TIMP2: variants seen among roughly 807,000 people sequenced by gnomAD.
TIMP2 encodes the protein metalloproteinase inhibitor 2.
TIMP2 carries 5 observed loss-of-function variants against 24.3 expected under a neutral mutation model. The ratio of observed to expected loss-of-function variants is 0.21; its 90% CI spans 0.11 to 0.43. TIMP2 has a LOEUF of 0.43. Ranked by LOEUF, TIMP2 falls within the 20% of genes least tolerant of loss-of-function variation. The pLI is 1.00. For synonymous variants in TIMP2, 130 were observed against 123.2 expected (o/e 1.06, Z -0.37); for missense variants, 221 against 297.5 (o/e 0.74, Z 1.89).
In TIMP2 at chr17:78,924,899, A is replaced by G; in HGVS notation, c.130+60T>C. 1 of 991,966 alleles carries G rather than the reference A, an allele frequency of 1.0e-6. No individual in the cohort carries two copies. Among genetic ancestry groups the G allele is most frequent in the South Asian group, 4.5e-5 (1 of 22,404 alleles). The allele number at this position is 991,966 out of a possible 1,614,324, so 61.4% of individuals were successfully genotyped here. A position where few individuals can be genotyped will look rare whatever the true frequency, so the allele number is the denominator to read the frequency against. On this transcript the variant is annotated intron_variant, in intron 1 of 4. Coordinates refer to ENST00000262768, the MANE Select transcript of TIMP2 (RefSeq NM_003255.5). The surrounding 1 kb of genome is among the most constrained non-coding windows in gnomAD (Gnocchi z 5.3). ...CGGCGGGCGGGCGGGGCGTCTGCGA[A>G]CCCTCGGGGTCGCGGGGGAGGTGGG...
intron 1 of TIMP2, among the ~76,000 whole-genome samples, chr17:78,910,880 T>C (rs1273846279): frequency 1.3e-5 from 2 of 152,182 alleles, no homozygotes; most frequent in African/African-American, 4.8e-5. Flanking sequence ...GACACTGAGG[T>C]TGATTCCATA....
intron 1 of TIMP2, among the ~76,000 whole-genome samples, chr17:78,875,977 AG>A (rs2145757020): frequency 6.6e-6 from 1 of 152,290 alleles, no homozygotes; most frequent in Admixed American, 6.5e-5. Flanking sequence ...CCAAGGCCAC[AG>A]GTTCCTGTTT....
intron 1 of TIMP2, among the ~76,000 whole-genome samples, chr17:78,878,651 G>C (rs1004426880): frequency 4.6e-5 from 7 of 152,170 alleles, no homozygotes; most frequent in Admixed American, 1.3e-4. Flanking sequence ...CAAATCAAGG[G>C]TCCAGGGTAG....
Position 78,916,240 on chromosome 17 carries a change from G to A in TIMP2, c.130+8719C>T, listed in dbSNP as rs139601530. ...AGAGAGAGGCCACCTGTCCCGGATC[G>A]CTCTGCTGGACTCAATCTGGGGCCA... On this transcript the variant is annotated intron_variant, in intron 1 of 4. Transcript: ENST00000262768. Among the ~76,000 whole-genome samples, 359 of 152,200 alleles carry A rather than the reference G, an allele frequency of 2.4e-3. 1 individual carries two copies. The highest frequency in any genetic ancestry group is 0.01 in the Middle Eastern group (3 of 294).
chr17:78,907,564 A>G (rs1228720308), intron 1 of TIMP2, among the ~76,000 whole-genome samples: 2 of 152,210 alleles, frequency 1.3e-5, no homozygotes, highest in Non-Finnish European at 2.9e-5. Context: ...ACAGATCACC[A>G]TAACAGGTAT....
At chr17:78,893,441 G>A (rs1416755517) in intron 1 of TIMP2, among the ~76,000 whole-genome samples, 2 of 148,278 alleles carry the variant, frequency 1.3e-5, no homozygotes, top group African/African-American at 5.0e-5. Context: ...GGGTGTGTGC[G>A]TGGGGCTGTG....
intron 1 of TIMP2, among the ~76,000 whole-genome samples, chr17:78,902,505 C>A (rs969814313): frequency 6.6e-6 from 1 of 152,198 alleles, no homozygotes; most frequent in African/African-American, 2.4e-5. Context: ...GCTTTTCCAC[C>A]CGAATACTGG....
At position 78,920,146 on chromosome 17, in the gene TIMP2, C is replaced by T. The variant is rs954362733; in HGVS notation, c.130+4813G>A. Among the ~76,000 whole-genome samples, 5 of 152,196 alleles carry T rather than the reference C, an allele frequency of 3.3e-5. No individual in the cohort carries two copies. The highest frequency in any genetic ancestry group is 1.9e-4 in the East Asian group (1 of 5,190). ...AGTGGTTCTGCATCAGGACTGGAGA[C>T]GGCTGCCCGCGCCTCTCAGTCTCCC... On this transcript the variant is annotated intron_variant, in intron 1 of 4. Coordinates refer to ENST00000262768, the MANE Select transcript of TIMP2 (RefSeq NM_003255.5). This position sits in a 1 kb window ranked among gnomAD's most constrained non-coding sequence, Gnocchi z 4.5.
chr17:78,923,396 T>G (rs868655375), intron 1 of TIMP2, among the ~76,000 whole-genome samples: 29 of 47,682 alleles, frequency 6.1e-4, no homozygotes, highest in African/African-American at 8.9e-4. Flanking sequence ...TGGGGCGGGG[T>G]GGGGGGGGGG....
chr17:78,889,991 C>A (rs1008232215), intron 1 of TIMP2, among the ~76,000 whole-genome samples: 1 of 151,970 alleles, frequency 6.6e-6, no homozygotes, highest in African/African-American at 2.4e-5. Flanking sequence ...TGGTGGCAGG[C>A]GCCTATAATC....
rs748573366 is a variant in TIMP2, at chr17:78,891,251, G to A, written c.131-17332C>T. The A allele has an allele frequency of 2.6e-6, 4 of 1,550,456 alleles. No homozygotes were observed. The highest frequency in any genetic ancestry group is 2.7e-5 in the African/African-American group (2 of 73,018). On this transcript the variant is annotated intron_variant, in intron 1 of 4. Transcript: ENST00000262768. The surrounding 1 kb of genome is among the most constrained non-coding windows in gnomAD (Gnocchi z 4.5). ...GAACGTTTTCAAGTCGGTCTTGGAC[G>A]CTGCCTGCTGCGCCTCCTCCTCTGC...
intron 2 of TIMP2, 76 bp downstream of exon 2, chr17:78,873,743 C>G (rs376174717): frequency 2.4e-6 from 3 of 1,255,732 alleles, no homozygotes; most frequent in Non-Finnish European, 1.1e-6. Context: ...GTTCCAGGGA[C>G]CCAGGCTCTC....
intron 1 of TIMP2, among the ~76,000 whole-genome samples, chr17:78,907,147 C>T (rs2070166588): frequency 6.6e-6 from 1 of 152,190 alleles, no homozygotes; most frequent in African/African-American, 2.4e-5. Context: ...GATCCTCCCG[C>T]CTCAGCCTCC....
Position 78,855,975 on chromosome 17 carries a change from AG to A in TIMP2, c.466-112del. On this transcript the variant is annotated intron_variant, in intron 4 of 4. Transcript: ENST00000262768. This position sits in a 1 kb window ranked among gnomAD's most constrained non-coding sequence, Gnocchi z 6.0. Reference sequence around the variant, plus strand: ...GGCAATGTGCCTACCTGTCATGTGCAGGGATGGCAGCCTCTCCCGAGACCCA... The same window carrying A: ...GGCAATGTGCCTACCTGTCATGTGCAGGATGGCAGCCTCTCCCGAGACCCA... The A allele has an allele frequency of 9.0e-7, 1 of 1,117,218 alleles. No homozygotes were observed. The highest frequency in any genetic ancestry group is 1.3e-5 in the South Asian group (1 of 76,038). 69.2% of individuals were successfully genotyped at this position (1,117,218 alleles called of 1,614,324 possible).
At chr17:78,905,945 G>A (rs1283643132) in intron 1 of TIMP2, among the ~76,000 whole-genome samples, 1 of 152,212 alleles carries the variant, frequency 6.6e-6, no homozygotes, top group Non-Finnish European at 1.5e-5. Flanking sequence ...TTGAAATAAA[G>A]TGAGTCACAT....
At chr17:78,886,592 C>T (rs558450080) in intron 1 of TIMP2, among the ~76,000 whole-genome samples, 1 of 152,304 alleles carries the variant, frequency 6.6e-6, no homozygotes, top group Non-Finnish European at 1.5e-5. Context: ...TGAAAAACAG[C>T]AGCCCTCCTG....
In TIMP2 at chr17:78,924,909, T is replaced by C; in HGVS notation, c.130+50A>G. The C allele has an allele frequency of 9.4e-7, 1 of 1,067,400 alleles. No homozygotes were observed. Among genetic ancestry groups the C allele is most frequent in the Non-Finnish European group, 1.1e-6 (1 of 872,340 alleles). The allele number at this position is 1,067,400 out of a possible 1,614,324, so 66.1% of individuals were successfully genotyped here. On this transcript the variant is annotated intron_variant, in intron 1 of 4. Transcript: ENST00000262768. The surrounding 1 kb of genome is among the most constrained non-coding windows in gnomAD (Gnocchi z 5.3). ...GCGGGGCGTCTGCGAACCCTCGGGG[T>C]CGCGGGGGAGGTGGGGCCCCGCGCG...
intron 1 of TIMP2, chr17:78,897,912 C>T (rs2070029045): frequency 6.6e-6 from 1 of 152,230 alleles, no homozygotes. Context: ...AAACTTAAAA[C>T]ATCTGGGCAG....
Position 78,924,938 on chromosome 17 carries a change from G to A in TIMP2, c.130+21C>T. 2 of 1,238,778 alleles carry A rather than the reference G, an allele frequency of 1.6e-6. No individual in the cohort carries two copies. The highest frequency in any genetic ancestry group is 2.0e-6 in the Non-Finnish European group (2 of 980,844). 76.7% of individuals were successfully genotyped at this position (1,238,778 alleles called of 1,614,324 possible). ...GGGGGAGGTGGGGCCCCGCGCGGGG[G>A]CTGGGGTCGCCGCTCCTTACCTACA... On this transcript the variant is annotated intron_variant, in intron 1 of 4. Coordinates refer to ENST00000262768, the MANE Select transcript of TIMP2 (RefSeq NM_003255.5). The surrounding 1 kb of genome is among the most constrained non-coding windows in gnomAD (Gnocchi z 5.3).
Sources: gnomAD v4.1 joint callset for allele counts (sites outside exome capture counted in the v4.1 genomes callset) on GRCh38, gnomAD v4.1.1 for gene constraint, Gnocchi (gnomAD v3.1) non-coding constraint, MANE v1.5 for transcripts, NCBI Gene and HGNC (gene_info 2026-07-23, HGNC 2026-07-21) for gene names.